Variants in ITGB8 observed in about 807,000 individuals in gnomAD.
ITGB8 encodes the protein integrin subunit beta 8, also known as integrin beta-8.
In ITGB8, 30 loss-of-function variants were observed where a neutral mutation model predicts 89.5. The observed-to-expected ratio is 0.34, with a 90% CI of 0.25 to 0.45. ITGB8 has a LOEUF of 0.45. ITGB8 is among the 20% of genes least tolerant of loss of function. ITGB8 has a pLI of 1.00. For synonymous variants in ITGB8, 335 were observed against 320.4 expected, an observed-to-expected ratio of 1.05 and a Z score of -0.49; for missense variants, 836 against 933.3, an observed-to-expected ratio of 0.90 and a Z score of 1.36.
At chr7:20,405,000 A>G in intron 11 of ITGB8, 147 bp downstream of exon 11, 1 of 723,252 alleles carries the variant, frequency 1.4e-6, no homozygotes. Context: ...GAATTAGAAG[A>G]CTTGAATTCA....
At position 20,370,637 on chromosome 7, in the gene ITGB8, G is replaced by A. The variant is rs578107753; in HGVS notation, c.388+3451G>A. ...ATTATTATTATTATTTTGAGACGGA[G>A]TCTCCCTCTGTCACCCAGGCTGGAA... On this transcript the variant is annotated intron_variant, in intron 3 of 13. Transcript: ENST00000222573. Among the ~76,000 whole-genome samples the A allele has an allele frequency of 1.0e-4, 15 of 147,956 alleles. No homozygotes were observed. In the South Asian group the frequency reaches 2.1e-3, roughly 21 times the overall value.
intron 1 of ITGB8, among the ~76,000 whole-genome samples, chr7:20,341,539 A>T (rs1355296404): frequency 2.6e-5 from 4 of 152,176 alleles, no homozygotes; most frequent in Non-Finnish European, 4.4e-5. Context: ...AAGATATAGC[A>T]TGTTTGATGC....
intron 1 of ITGB8, among the ~76,000 whole-genome samples, chr7:20,338,736 G>A (rs1012470503): frequency 1.3e-5 from 2 of 152,182 alleles, no homozygotes; most frequent in Non-Finnish European, 2.9e-5. Flanking sequence ...ACTACCTCAT[G>A]TCAAAGTGTT....
intron 1 of ITGB8, among the ~76,000 whole-genome samples, chr7:20,338,975 C>T (rs1259372590): frequency 1.3e-5 from 2 of 151,778 alleles, no homozygotes; most frequent in African/African-American, 4.8e-5. Flanking sequence ...GGGTGGATCA[C>T]GAGGTCAGGA....
chr7:20,347,655 TGTTTG>T (rs1294669178), intron 1 of ITGB8, among the ~76,000 whole-genome samples: 1 of 152,180 alleles, frequency 6.6e-6, no homozygotes, highest in African/African-American at 2.4e-5. Context: ...AGGAACATAA[TGTTTG>T]AGACTCGAAG....
chr7:20,337,095 T>C (rs994951746), intron 1 of ITGB8, among the ~76,000 whole-genome samples: 11 of 152,200 alleles, frequency 7.2e-5, no homozygotes, highest in African/African-American at 2.7e-4. Context: ...TACTCTTTAA[T>C]CTTATTTTTC....
chr7:20,336,241 G>A (rs1256917198), intron 1 of ITGB8, among the ~76,000 whole-genome samples: 3 of 152,042 alleles, frequency 2.0e-5, no homozygotes, highest in East Asian at 1.9e-4. Context: ...TCCTGACCTC[G>A]TGATCTGCTC....
chr7:20,340,262 G>T (rs1784712370), intron 1 of ITGB8, among the ~76,000 whole-genome samples: 1 of 152,174 alleles, frequency 6.6e-6, no homozygotes, highest in Non-Finnish European at 1.5e-5. Context: ...GGTATCGTTT[G>T]TTTATTCTAG....
chr7:20,408,259 T>C (rs1583549226), intron 12 of ITGB8, among the ~76,000 whole-genome samples: 1 of 152,120 alleles, frequency 6.6e-6, no homozygotes, highest in East Asian at 1.9e-4. Context: ...GAGCAGAATA[T>C]TTTGGATTCT....
At chr7:20,385,642 T>C (rs996902393) in intron 6 of ITGB8, among the ~76,000 whole-genome samples, 1 of 152,228 alleles carries the variant, frequency 6.6e-6, no homozygotes, top group African/African-American at 2.4e-5. Flanking sequence ...CCTCTCCTCA[T>C]GCAACTTTAA....
At chr7:20,351,398 G>A (rs1469660637) in intron 1 of ITGB8, among the ~76,000 whole-genome samples, 1 of 152,212 alleles carries the variant, frequency 6.6e-6, no homozygotes. Flanking sequence ...GCCTCCCTAA[G>A]CTGTAGTTTT....
At chr7:20,350,654 C>T (rs78911169) in intron 1 of ITGB8, among the ~76,000 whole-genome samples, 2,917 of 152,234 alleles carry the variant, frequency 0.019, 93 homozygotes, top group African/African-American at 0.065. Flanking sequence ...ACATCATCAA[C>T]GAGGAAGCAA....
intron 3 of ITGB8, among the ~76,000 whole-genome samples, chr7:20,371,742 T>C (rs1163579770): frequency 2.0e-5 from 3 of 152,232 alleles, no homozygotes; most frequent in African/African-American, 4.8e-5. Context: ...CTGAAACTTA[T>C]TATGCATGTA....
In ITGB8 at chr7:20,410,184, G is replaced by C. The variant is rs1042506300; in HGVS notation, c.*187G>C. ...ACTCACATAGCTGCTGACTTTTTCA[G>C]AGAAAAATGTGTCTTACTACTGTTT... is the stretch of plus-strand genomic sequence containing the variant. On this transcript the variant is annotated 3_prime_UTR_variant, in exon 14 of 14. Transcript: ENST00000222573. 3.3e-6 allele frequency: 2 copies of C among 597,070 alleles called. No homozygotes were observed. Among genetic ancestry groups the C allele is most frequent in the East Asian group, 2.9e-5 (1 of 33,902 alleles). 37.0% of individuals were successfully genotyped at this position (597,070 alleles called of 1,614,324 possible). A position where few individuals can be genotyped will look rare whatever the true frequency, so the allele number is the denominator to read the frequency against.
intron 6 of ITGB8, among the ~76,000 whole-genome samples, chr7:20,390,390 A>G (rs915758605): frequency 1.3e-5 from 2 of 152,074 alleles, no homozygotes; most frequent in Admixed American, 6.6e-5. Flanking sequence ...AAGAGTATTT[A>G]TAGAAAAAAT....
chr7:20,370,054 A>G (rs2127950408), intron 3 of ITGB8, among the ~76,000 whole-genome samples: 1 of 152,082 alleles, frequency 6.6e-6, no homozygotes, highest in East Asian at 1.9e-4. Context: ...AAAACATAAG[A>G]AAAACAGAGA....
At chr7:20,368,213 T>C (rs1785782672) in intron 3 of ITGB8, among the ~76,000 whole-genome samples, 2 of 152,200 alleles carry the variant, frequency 1.3e-5, no homozygotes, top group African/African-American at 2.4e-5. Context: ...AGTATGGACA[T>C]TGTGAGCAAC....
chr7:20,349,240 A>G (rs1785032470), intron 1 of ITGB8, among the ~76,000 whole-genome samples: 1 of 152,174 alleles, frequency 6.6e-6, no homozygotes, highest in Non-Finnish European at 1.5e-5. Flanking sequence ...GGCATTGAGG[A>G]TAGAAGAGGA....
chr7:20,399,082 TTTAC>T, intron 9 of ITGB8, 88 bp downstream of exon 9: 1 of 1,350,400 alleles, frequency 7.4e-7, no homozygotes, highest in Non-Finnish European at 1.0e-6. Context: ...TCTGAAAAAT[TTTAC>T]TTACTACTGA....
Sources: allele counts gnomAD v4.1 joint callset (sites outside exome capture counted in the v4.1 genomes callset), GRCh38; gene constraint gnomAD v4.1.1; transcripts MANE v1.5; gene names NCBI Gene and HGNC (gene_info 2026-07-23, HGNC 2026-07-21).